The following LILRA2 variants were observed in gnomAD, a reference collection of about 807,000 sequenced individuals.
LILRA2 encodes leukocyte immunoglobulin-like receptor subfamily A member 2.
In LILRA2, 45 loss-of-function variants were observed where a neutral mutation model predicts 47.9. The ratio of observed to expected loss-of-function variants is 0.94; its 90% CI spans 0.74 to 1.20. The LOEUF (loss-of-function observed/expected upper bound fraction) is 1.20. Among genes scored for constraint, LILRA2 ranks in the 50% most tolerant of loss-of-function variants. The pLI is 0.00. For missense variants in LILRA2, 651 were observed against 598.2 expected (o/e 1.09, Z -0.92); for synonymous variants, 279 against 249.2 (o/e 1.12, Z -1.13).
In LILRA2 at chr19:54,574,581, A is replaced by G. The variant is rs778339371; in HGVS notation, c.351A>G (p.Thr117=). 1.2e-6 allele frequency: 2 copies of G among 1,613,794 alleles called. No individual in the cohort carries two copies. The highest frequency in any genetic ancestry group is 1.3e-5 in the African/African-American group (1 of 74,914). Residue 117 remains threonine (T), a splice_region_variant and synonymous_variant, in exon 3 of 8, where the codon ACA becomes ACG. Coordinates refer to ENST00000391738, the MANE Select transcript of LILRA2 (RefSeq NM_001130917.3). The stretch of plus-strand genomic sequence containing the variant: ...GTGACCCCCTGGAGCTGGTGGTGAC[A>G]GGTGAGAGGACACTCAGGAGTCCCA... ...EYSDPLELVV[T]GAYSKPTLSA...
chr19:54,586,910 C>T (rs1161225825), intron 6 of LILRA2, 100 bp from the exon 7 acceptor site: 9 of 783,764 alleles, frequency 1.1e-5, no homozygotes, highest in African/African-American at 1.7e-5. Context: ...TATTGAGGAA[C>T]TCCATAAAAC....
chr19:54,575,905 C>T lies in LILRA2; in HGVS notation c.1051C>T (p.His351Tyr), dbSNP rs753318276. 13 of 1,613,868 alleles carry T rather than the reference C, an allele frequency of 8.1e-6. No individual in the cohort carries two copies. In the East Asian group the frequency reaches 2.7e-4, roughly 33 times the overall value. The stretch of plus-strand genomic sequence containing the variant: ...GCTGTGTCAGTCACGGGGGCAGTTC[C>T]ACACTTTCCTTCTGACCAAGGAGGG... ...TLLCQSRGQF[H>Y]TFLLTKEGAG... The change falls in exon 6 of 8, where the codon CAC (histidine) becomes TAC (tyrosine). Residue 351 changes from histidine (H) to tyrosine (Y), a missense_variant. Coordinates refer to ENST00000391738, the MANE Select transcript of LILRA2 (RefSeq NM_001130917.3).
rs1319388167 is a variant in LILRA2 at position 54,574,322 on chromosome 19, T to A, written c.92T>A (p.Leu31His). The change falls in exon 3 of 8, where the codon CTC becomes CAC. Residue 31 changes from leucine to histidine, a missense_variant. By Grantham distance (99) the Leu-to-His change is moderately conservative (BLOSUM62 -3). Coordinates refer to ENST00000391738, the MANE Select transcript of LILRA2 (RefSeq NM_001130917.3). ...VQAGHLPKPT[L>H]WAEPGSVIIQ... Reference sequence around the variant, plus strand: ...CCAGGGCACCTCCCCAAGCCCACCCTCTGGGCTGAGCCAGGCTCTGTGATC... The same window carrying A: ...CCAGGGCACCTCCCCAAGCCCACCCACTGGGCTGAGCCAGGCTCTGTGATC... 4.3e-6 allele frequency: 7 copies of A among 1,614,248 alleles called. No individual in the cohort carries two copies. The highest frequency in any genetic ancestry group is 5.9e-6 in the Non-Finnish European group (7 of 1,180,026).
At chr19:54,580,448 GGT>G in intron 6 of LILRA2, among the ~76,000 whole-genome samples, 1 of 48,250 alleles carries the variant, frequency 2.1e-5, no homozygotes, top group Non-Finnish European at 4.0e-5. Context: ...GAGAATATGC[GGT>G]GTTTGGTTTT....
rs765040443 is a variant in LILRA2, at chr19:54,573,912, G to T, written c.34G>T (p.Gly12Trp). The change falls in exon 1 of 8, where the codon GGG becomes TGG. Residue 12 changes from glycine to tryptophan, a missense_variant and splice_region_variant. By Grantham distance (184) the Gly-to-Trp change is radical. Transcript: ENST00000391738. ...CATCCTCACGGTCCTGATCTGTCTC[G>T]GTGAGATTTGAAGAGGGAGGGGAGC... The part of the protein sequence containing the change: ...TPILTVLICL[G>W]LSLGPRTHVQ... 2 of 1,614,176 alleles carry T rather than the reference G, an allele frequency of 1.2e-6. No homozygotes were observed. The highest frequency in any genetic ancestry group is 1.6e-4 in the Middle Eastern group (1 of 6,062).
chr19:54,586,861 GGA>G lies in LILRA2; in HGVS notation c.1256-146_1256-145del, dbSNP rs1343098649. The G allele has an allele frequency of 5.9e-5, 33 of 557,878 alleles. No homozygotes were observed. In the South Asian group the frequency reaches 9.2e-4, roughly 16 times the overall value. The allele number at this position is 557,878 out of a possible 1,614,324, so 34.6% of individuals were successfully genotyped here. A position where few individuals can be genotyped will look rare whatever the true frequency, so the allele number is the denominator to read the frequency against. On this transcript the variant is annotated intron_variant, in intron 6 of 7. Transcript: ENST00000391738. ...CAGGAAGTCTGAAATAATTCAATGA[GGA>G]GACTGGAGGGAACCCTGCTACAGCA...
rs373320838 is a variant in LILRA2 at position 54,575,928 on chromosome 19, G to A, written c.1074G>A (p.Glu358=). ...TCCACACTTTCCTTCTGACCAAGGA[G>A]GGGGCAGGCCATCCCCCACTGCATC... ...GQFHTFLLTK[E]GAGHPPLHLR... Residue 358 remains glutamate (E), a synonymous_variant, in exon 6 of 8, where the codon GAG becomes GAA. Transcript: ENST00000391738. The A allele has an allele frequency of 1.7e-5, 28 of 1,614,018 alleles. No individual in the cohort carries two copies. The African/African-American group carries it at 3.2e-4, about 18-fold the overall frequency.
chr19:54,580,470 CGATAGTTTACTGAGAAT>C (rs1401087395), intron 6 of LILRA2, among the ~76,000 whole-genome samples: 679 of 22,312 alleles, frequency 0.03, 24 homozygotes, highest in African/African-American at 0.061. Flanking sequence ...TTTGTTCTTG[CGATAGTTTACTGAGAAT>C]GATGGTTTCC....
rs2062259695 is a variant in LILRA2, at chr19:54,574,113, T to C, written c.70+2T>C. On this transcript the variant is annotated splice_donor_variant, in intron 2 of 7. Coordinates refer to ENST00000391738, the MANE Select transcript of LILRA2 (RefSeq NM_001130917.3). LOFTEE classifies it high-confidence loss of function. ...GCCCCAGGACCCACGTGCAGGCAGG[T>C]GAGTCTGTTCCCAGCTGTCCCAGGT... 6.2e-7 allele frequency: 1 copy of C among 1,614,104 alleles called. No homozygotes were observed.
chr19:54,584,215 C>T (rs1011840244), intron 6 of LILRA2, among the ~76,000 whole-genome samples: 3 of 152,140 alleles, frequency 2.0e-5, no homozygotes, highest in African/African-American at 7.2e-5. Context: ...TTTTTTCCTT[C>T]ATTTCAACCT....
upstream of LILRA2, chr19:54,573,455 G>C: frequency 9.2e-7 from 1 of 1,087,538 alleles, no homozygotes; most frequent in Admixed American, 1.7e-5. Context: ...CCGCAACGCT[G>C]AGCTGATGGA....
At chr19:54,585,232 G>T (rs112809687) in intron 6 of LILRA2, among the ~76,000 whole-genome samples, 1 of 152,176 alleles carries the variant, frequency 6.6e-6, no homozygotes, top group Non-Finnish European at 1.5e-5. Flanking sequence ...CAGGCTACAC[G>T]GGGGTCAGGG....
chr19:54,587,591 T>A lies in LILRA2; in HGVS notation c.*245T>A. On this transcript the variant is annotated 3_prime_UTR_variant, in exon 8 of 8. Transcript: ENST00000391738. ...ACTTCCCTTGACTGGATCCCCTTTT[T>A]TTCCCATCCCCAGACATGAGGCTCC... 1 of 664,238 alleles carries A rather than the reference T, an allele frequency of 1.5e-6. No individual in the cohort carries two copies. 41.1% of individuals were successfully genotyped at this position (664,238 alleles called of 1,614,324 possible).
At position 54,574,483 on chromosome 19, in the gene LILRA2, C is replaced by T; in HGVS notation, c.253C>T (p.Pro85Ser). 2 of 1,614,132 alleles carry T rather than the reference C, an allele frequency of 1.2e-6. No homozygotes were observed. The highest frequency in any genetic ancestry group is 2.2e-5 in the South Asian group (2 of 91,086). The change falls in exon 3 of 8, where the codon CCA becomes TCA. Residue 85 changes from proline (P) to serine (S), a missense_variant. Physicochemically the swap from Pro to Ser is moderately conservative, Grantham distance 74. Coordinates refer to ENST00000391738, the MANE Select transcript of LILRA2 (RefSeq NM_001130917.3). ...TGGGAAGAATGGCCAGTTCCCCATC[C>T]CATCCATCACCTGGGAACACGCAGG... ...EPGKNGQFPI[P>S]SITWEHAGRY...
Position 54,581,848 on chromosome 19 carries a change from G to A in LILRA2, c.1256-5162G>A, listed in dbSNP as rs542842642. On this transcript the variant is annotated intron_variant, in intron 6 of 7. Transcript: ENST00000391738. ...TTCATATGGAACCAAAAAAGAGCCC[G>A]CATTGTGCCGGTTTTCAAAGGGAAT... 3.4e-4 allele frequency among the ~76,000 whole-genome samples: 52 copies of A among 152,170 alleles called. 1 individual carries two copies. The highest frequency in any genetic ancestry group is 9.9e-4 in the African/African-American group (41 of 41,482).
At chr19:54,579,576 T>C (rs1425229789) in intron 6 of LILRA2, among the ~76,000 whole-genome samples, 1 of 152,170 alleles carries the variant, frequency 6.6e-6, no homozygotes, top group Non-Finnish European at 1.5e-5. Context: ...TGCTTAGGAT[T>C]GTCTTGGCAA....
Position 54,575,876 on chromosome 19 carries a change from C to G in LILRA2, c.1022C>G (p.Thr341Ser), listed in dbSNP as rs1458743774. Residue 341 changes from threonine to serine, a missense_variant, in exon 6 of 8, where the codon ACC becomes AGC. By Grantham distance (58) the Thr-to-Ser change is moderately conservative. Coordinates refer to ENST00000391738, the MANE Select transcript of LILRA2 (RefSeq NM_001130917.3). ...VPTVAPGKNV[T>S]LLCQSRGQFH... is the part of the protein sequence containing the mutation. ...ACAGTAGCCCCAGGAAAGAACGTGA[C>G]CCTGCTGTGTCAGTCACGGGGGCAG... is the stretch of plus-strand genomic sequence containing the variant. 1 of 1,613,926 alleles carries G rather than the reference C, an allele frequency of 6.2e-7. No individual in the cohort carries two copies. Among genetic ancestry groups the G allele is most frequent in the East Asian group, 2.2e-5 (1 of 44,870 alleles).
rs111578730 is a variant in LILRA2, at chr19:54,588,325, C to G, written c.*979C>G. The G allele has an allele frequency of 2.0e-5, 3 of 151,170 alleles. No homozygotes were observed. Among genetic ancestry groups the G allele is most frequent in the Non-Finnish European group, 4.4e-5 (3 of 67,844 alleles). The allele number at this position is 151,170 out of a possible 1,614,324, so 9.4% of individuals were successfully genotyped here. On this transcript the variant is annotated 3_prime_UTR_variant, in exon 8 of 8. Coordinates refer to ENST00000391738, the MANE Select transcript of LILRA2 (RefSeq NM_001130917.3). ...CTCACCTAAAAATCAAAGTACATGC[C>G]GGGCGCGGTGGCTCACGCCTGTAAT...
Position 54,575,505 on chromosome 19 carries a change from C to T in LILRA2, c.905C>T (p.Ser302Phe), listed in dbSNP as rs753885831. 10 of 1,612,710 alleles carry T rather than the reference C, an allele frequency of 6.2e-6. No homozygotes were observed. Among genetic ancestry groups the T allele is most frequent in the Non-Finnish European group, 8.5e-6 (10 of 1,179,900 alleles). ...AGATGCTACAGTGCACACAACCTCT[C>T]CTCCGAGTGGTCGGCCCCCAGTGAC... is the stretch of plus-strand genomic sequence containing the variant. Reference protein sequence around the residue: ...QYRCYSAHNLSSEWSAPSDPL... With the variant: ...QYRCYSAHNLFSEWSAPSDPL... Residue 302 changes from serine (S) to phenylalanine (F), a missense_variant, in exon 5 of 8, where the codon TCC (serine) becomes TTC (phenylalanine). Ser to Phe is a radical substitution (Grantham distance 155, BLOSUM62 -2). Coordinates refer to ENST00000391738, the MANE Select transcript of LILRA2 (RefSeq NM_001130917.3).
Sources: allele counts gnomAD v4.1 joint callset (sites outside exome capture counted in the v4.1 genomes callset), GRCh38; gene constraint gnomAD v4.1.1; transcripts MANE v1.5; gene names NCBI Gene and HGNC (gene_info 2026-07-23, HGNC 2026-07-21).